Variants in CCSER2 observed in about 807,000 individuals in gnomAD.
The protein encoded by CCSER2 is serine-rich coiled-coil domain-containing protein 2.
In CCSER2, 46 loss-of-function variants were observed where a neutral mutation model predicts 92.3. That is an observed-to-expected ratio of 0.50 (90% CI 0.39 to 0.64). The LOEUF (loss-of-function observed/expected upper bound fraction) is 0.64, where lower values mean the gene tolerates loss of function less well. Among genes scored for constraint, CCSER2 ranks in the 30% least tolerant of loss-of-function variants. The pLI, the probability that CCSER2 is intolerant of heterozygous loss-of-function variation, is 0.00. For missense variants in CCSER2, 1,244 were observed against 1,238.9 expected (o/e 1.00, Z -0.06); for synonymous variants, 433 against 431.4 (o/e 1.00, Z -0.04).
chr10:84,374,047 T>C lies in CCSER2; in HGVS notation c.1614+232T>C, dbSNP rs1846204200. 6.4e-6 allele frequency: 6 copies of C among 943,812 alleles called. No individual in the cohort carries two copies. In the Middle Eastern group the frequency reaches 1.7e-3, roughly 273 times the overall value. The allele number at this position is 943,812 out of a possible 1,614,324, so 58.5% of individuals were successfully genotyped here. ...AACATGTTTACATATATATTCCTCATACATATGTGCATACTATATTAGTAG... is the reference window on the plus strand; with the variant it reads ...AACATGTTTACATATATATTCCTCACACATATGTGCATACTATATTAGTAG... On this transcript the variant is annotated intron_variant, in intron 3 of 9. Transcript: ENST00000372088.
chr10:84,450,717 T>G (rs1362989713), intron 6 of CCSER2, among the ~76,000 whole-genome samples: 1 of 152,180 alleles, frequency 6.6e-6, no homozygotes, highest in Non-Finnish European at 1.5e-5. Flanking sequence ...TAGAAACCAT[T>G]TACGTTCTGT....
At chr10:84,434,547 GTCAATATTTTAAC>G (rs1389423274) in intron 5 of CCSER2, among the ~76,000 whole-genome samples, 2 of 152,108 alleles carry the variant, frequency 1.3e-5, no homozygotes, top group Non-Finnish European at 2.9e-5. Context: ...AAGCAAATGT[GTCAATATTTTAAC>G]AGTTGGTAAA....
At chr10:84,397,127 G>T (rs1253747910) in intron 3 of CCSER2, among the ~76,000 whole-genome samples, 3 of 152,142 alleles carry the variant, frequency 2.0e-5, no homozygotes, top group South Asian at 4.1e-4. Flanking sequence ...GCTATGCATG[G>T]TATTCTATTT....
At chr10:84,394,353 T>G (rs1317306019) in intron 3 of CCSER2, among the ~76,000 whole-genome samples, 1 of 151,104 alleles carries the variant, frequency 6.6e-6, no homozygotes, top group East Asian at 1.9e-4. Flanking sequence ...ATGATTAGTA[T>G]GCATATGCTC....
rs60523533 is a variant in CCSER2, at chr10:84,377,824, G to A, written c.1614+4009G>A. On this transcript the variant is annotated intron_variant, in intron 3 of 9. Transcript: ENST00000372088. The stretch of plus-strand genomic sequence containing the variant: ...TACTTTTCTATAAAATGTTATGCAT[G>A]TTTGATTTTGACACTGTAAGTGGTA... Among the ~76,000 whole-genome samples, 19 of 152,258 alleles carry A rather than the reference G, an allele frequency of 1.2e-4. No individual in the cohort carries two copies. In the East Asian group the frequency reaches 3.7e-3, roughly 29 times the overall value.
intron 1 of CCSER2, among the ~76,000 whole-genome samples, chr10:84,330,962 T>C (rs1240603265): frequency 3.9e-5 from 6 of 152,218 alleles, no homozygotes; most frequent in African/African-American, 1.4e-4. Flanking sequence ...TTTGACCATC[T>C]GTGTATTTCA....
At chr10:84,329,123 C>G (rs1019388033) in intron 1 of CCSER2, among the ~76,000 whole-genome samples, 1 of 152,096 alleles carries the variant, frequency 6.6e-6, no homozygotes, top group African/African-American at 2.4e-5. Flanking sequence ...ATTTCGGAGC[C>G]TGGTTGCGTG....
At chr10:84,380,601 T>C (rs944745452) in intron 3 of CCSER2, among the ~76,000 whole-genome samples, 1 of 152,138 alleles carries the variant, frequency 6.6e-6, no homozygotes, top group African/African-American at 2.4e-5. Context: ...TATTGCATAA[T>C]GATTAAGAGC....
At chr10:84,337,356 G>C (rs1843895046) in intron 1 of CCSER2, among the ~76,000 whole-genome samples, 1 of 152,216 alleles carries the variant, frequency 6.6e-6, no homozygotes, top group Non-Finnish European at 1.5e-5. Context: ...GTGAAGCCAA[G>C]TGAAATGTTG....
chr10:84,408,186 A>G (rs1842467254), intron 3 of CCSER2, among the ~76,000 whole-genome samples: 1 of 152,174 alleles, frequency 6.6e-6, no homozygotes, highest in African/African-American at 2.4e-5. Flanking sequence ...AAACATAAGT[A>G]TGTGATTACG....
intron 1 of CCSER2, among the ~76,000 whole-genome samples, chr10:84,346,510 C>T (rs879803238): frequency 5.9e-5 from 9 of 151,906 alleles, no homozygotes; most frequent in Admixed American, 5.9e-4. Flanking sequence ...ATTGCTATAC[C>T]TAGGGATACC....
chr10:84,333,904 C>G (rs1455154583), intron 1 of CCSER2, among the ~76,000 whole-genome samples: 1 of 152,222 alleles, frequency 6.6e-6, no homozygotes, highest in Non-Finnish European at 1.5e-5. Flanking sequence ...AGTAACATAT[C>G]TGTCTCCCCC....
intron 4 of CCSER2, among the ~76,000 whole-genome samples, chr10:84,422,910 C>G (rs1460407397): frequency 6.6e-6 from 1 of 152,030 alleles, no homozygotes; most frequent in Non-Finnish European, 1.5e-5. Context: ...AAAAAATTAG[C>G]CAGGCGTGGT....
chr10:84,465,666 T>G (rs769704447), intron 7 of CCSER2, among the ~76,000 whole-genome samples: 8 of 152,116 alleles, frequency 5.3e-5, no homozygotes, highest in Non-Finnish European at 7.3e-5. Context: ...ATTCCAACAT[T>G]TTTACACAAT....
chr10:84,456,178 T>C (rs1845609023), intron 6 of CCSER2: 1 of 251,276 alleles, frequency 4.0e-6, no homozygotes, highest in African/African-American at 2.3e-5. Flanking sequence ...TGTACAGTTT[T>C]ATGAGCTTTA....
At chr10:84,429,053 T>C (rs910342299) in intron 5 of CCSER2, among the ~76,000 whole-genome samples, 2 of 151,294 alleles carry the variant, frequency 1.3e-5, no homozygotes, top group Non-Finnish European at 2.9e-5. Context: ...TTTGTTTTGT[T>C]TTTCTTCTTG....
intron 1 of CCSER2, among the ~76,000 whole-genome samples, chr10:84,353,415 C>T (rs1844976917): frequency 6.6e-6 from 1 of 152,148 alleles, no homozygotes; most frequent in Admixed American, 6.5e-5. Context: ...AAAAACGAGT[C>T]TTTAATTAGG....
intron 6 of CCSER2, among the ~76,000 whole-genome samples, chr10:84,457,126 G>C (rs1204988053): frequency 7.0e-6 from 1 of 143,476 alleles, no homozygotes; most frequent in African/African-American, 2.6e-5. Flanking sequence ...ACTTTAAAAA[G>C]GCTTTCTATG....
intron 9 of CCSER2, among the ~76,000 whole-genome samples, chr10:84,503,108 C>CAGTT (rs1358717038): frequency 6.6e-6 from 1 of 151,900 alleles, no homozygotes; most frequent in African/African-American, 2.4e-5. Flanking sequence ...CCTGTAGTCC[C>CAGTT]AGTTAGCTAC....
Sources: allele counts gnomAD v4.1 joint callset (sites outside exome capture counted in the v4.1 genomes callset), GRCh38; gene constraint gnomAD v4.1.1; transcripts MANE v1.5; gene names NCBI Gene and HGNC (gene_info 2026-07-23, HGNC 2026-07-21).